Variants in ATG5 observed in about 807,000 individuals in gnomAD.
ATG5 encodes autophagy related 5.
A neutral mutation model predicts 36.5 loss-of-function variants in ATG5; 14 were observed. The observed-to-expected ratio is 0.38, with a 90% confidence interval of 0.25 to 0.60. ATG5 has a LOEUF of 0.60. ATG5 is among the 20% of genes least tolerant of loss of function. The probability of loss-of-function intolerance (pLI) is 0.60; values close to 1 mark genes in which losing one functional copy is unlikely to be tolerated. For synonymous variants in ATG5, 95 were observed against 101.5 expected, an observed-to-expected ratio of 0.94 and a Z score of 0.38; for missense variants, 195 against 326.7, an observed-to-expected ratio of 0.60 and a Z score of 3.11.
At chr6:106,238,044 AC>A (rs1319639574) in intron 6 of ATG5, among the ~76,000 whole-genome samples, 1 of 152,220 alleles carries the variant, frequency 6.6e-6, no homozygotes, top group Non-Finnish European at 1.5e-5. Context: ...TCTTTAACAT[AC>A]CAGTATTTAT....
rs1170759901 is a variant in ATG5, at chr6:106,185,184, C to T, written c.*1356G>A. On this transcript the variant is annotated 3_prime_UTR_variant, in exon 8 of 8. Coordinates refer to ENST00000369076, the MANE Select transcript of ATG5 (RefSeq NM_004849.4). The stretch of plus-strand genomic sequence containing the variant: ...AAATGTGCTATTAATCAGTGAAAAT[C>T]GCAAAAGGAAAAAGAAAAGGAAGCA... 1 of 152,522 alleles carries T rather than the reference C, an allele frequency of 6.6e-6. No homozygotes were observed. The highest frequency in any genetic ancestry group is 1.9e-4 in the East Asian group (1 of 5,332). 9.4% of individuals were successfully genotyped at this position (152,522 alleles called of 1,614,324 possible). A position where few individuals can be genotyped will look rare whatever the true frequency, so the allele number is the denominator to read the frequency against.
intron 6 of ATG5, among the ~76,000 whole-genome samples, chr6:106,230,611 C>T (rs1199817395): frequency 6.6e-6 from 1 of 152,146 alleles, no homozygotes; most frequent in African/African-American, 2.4e-5. Flanking sequence ...GACTAATGCT[C>T]ATCGGAAAAT....
intron 2 of ATG5, among the ~76,000 whole-genome samples, chr6:106,311,605 A>T (rs1161314980): frequency 6.6e-6 from 1 of 152,182 alleles, no homozygotes; most frequent in Non-Finnish European, 1.5e-5. Context: ...GAAGGTACAG[A>T]GTTAAGACAG....
At chr6:106,306,635 T>TC (rs1344694245) in intron 3 of ATG5, among the ~76,000 whole-genome samples, 19 of 152,322 alleles carry the variant, frequency 1.2e-4, no homozygotes, top group African/African-American at 4.6e-4. Flanking sequence ...GCCCCGCTAG[T>TC]CACACAAAAT....
rs184161041 is a variant in ATG5 at position 106,297,637 on chromosome 6, C to A, written c.237-4531G>T. ...AAAATGTAAATTTGCTGTACTTAAA[C>A]CTGTATTAAAATTTCTAATAAAGTT... On this transcript the variant is annotated intron_variant, in intron 3 of 7. Transcript: ENST00000369076. 1.7e-3 allele frequency among the ~76,000 whole-genome samples: 261 copies of A among 151,030 alleles called. 2 individuals are homozygous for A. The highest frequency in any genetic ancestry group is 2.1e-3 in the Non-Finnish European group (145 of 67,804).
chr6:106,260,977 C>T (rs1374840940), intron 5 of ATG5, among the ~76,000 whole-genome samples: 2 of 152,150 alleles, frequency 1.3e-5, no homozygotes, highest in Admixed American at 1.3e-4. Flanking sequence ...CATGTGACAC[C>T]TGGAAATGCG....
At chr6:106,278,142 T>C (rs1779734916) in intron 5 of ATG5, among the ~76,000 whole-genome samples, 1 of 152,130 alleles carries the variant, frequency 6.6e-6, no homozygotes, top group African/African-American at 2.4e-5. Context: ...GGTCTTGCTA[T>C]GTTGCCCAGG....
intron 3 of ATG5, among the ~76,000 whole-genome samples, chr6:106,306,865 T>C (rs1009295627): frequency 1.3e-5 from 2 of 152,088 alleles, no homozygotes; most frequent in Non-Finnish European, 2.9e-5. Flanking sequence ...TAAAAAGAAA[T>C]GGGAAGCATT....
chr6:106,262,670 T>C (rs762371414), intron 5 of ATG5, among the ~76,000 whole-genome samples: 3 of 151,762 alleles, frequency 2.0e-5, no homozygotes, highest in Admixed American at 2.0e-4. Context: ...GGTCATCTTG[T>C]TGGGACCGGT....
rs553597419 is a variant in ATG5, at chr6:106,308,049, T to C, written c.236+315A>G. ...TGGTGTCAGAAATAAAATTGAATAA[T>C]GTCAAGAGATGACTTTTCATAAGGG... On this transcript the variant is annotated intron_variant, in intron 3 of 7. Transcript: ENST00000369076. Among the ~76,000 whole-genome samples the C allele has an allele frequency of 9.9e-5, 15 of 151,232 alleles. No homozygotes were observed. In the East Asian group the frequency reaches 2.9e-3, roughly 29 times the overall value.
chr6:106,247,764 T>C (rs1432972915), intron 6 of ATG5, among the ~76,000 whole-genome samples: 1 of 152,168 alleles, frequency 6.6e-6, no homozygotes, highest in Non-Finnish European at 1.5e-5. Flanking sequence ...ACAAGAAGGC[T>C]TGTTTATAGT....
At chr6:106,218,233 TG>T (rs1417686074) in intron 6 of ATG5, among the ~76,000 whole-genome samples, 1 of 152,174 alleles carries the variant, frequency 6.6e-6, no homozygotes, top group African/African-American at 2.4e-5. Context: ...ATGATAAACA[TG>T]GCCTCATGAA....
chr6:106,212,576 T>C (rs1233680327), intron 6 of ATG5, among the ~76,000 whole-genome samples: 1 of 152,042 alleles, frequency 6.6e-6, no homozygotes, highest in East Asian at 1.9e-4. Context: ...GAGGCGGAGG[T>C]TGCAGTGAGC....
intron 3 of ATG5, among the ~76,000 whole-genome samples, chr6:106,298,656 C>T (rs914636650): frequency 2.6e-5 from 4 of 151,916 alleles, no homozygotes; most frequent in Admixed American, 1.3e-4. Flanking sequence ...ACCAGAAAAA[C>T]GAAGGAGTAA....
chr6:106,236,950 A>T (rs1161035976), intron 6 of ATG5, among the ~76,000 whole-genome samples: 1 of 152,174 alleles, frequency 6.6e-6, no homozygotes, highest in East Asian at 1.9e-4. Context: ...ATGCATGTAC[A>T]TCTATACACA....
chr6:106,279,176 C>T (rs1298050955), intron 5 of ATG5, among the ~76,000 whole-genome samples: 1 of 152,220 alleles, frequency 6.6e-6, no homozygotes, highest in Non-Finnish European at 1.5e-5. Context: ...ATGAGCACCA[C>T]ATTCCACTTA....
At chr6:106,321,693 G>A (rs2114691221) in intron 1 of ATG5, among the ~76,000 whole-genome samples, 1 of 152,232 alleles carries the variant, frequency 6.6e-6, no homozygotes, top group Non-Finnish European at 1.5e-5. Flanking sequence ...CTTAATATCA[G>A]CTCCTTGGGA....
At chr6:106,285,697 C>T (rs780037681) in intron 4 of ATG5, among the ~76,000 whole-genome samples, 4 of 152,202 alleles carry the variant, frequency 2.6e-5, no homozygotes, top group Non-Finnish European at 5.9e-5. Context: ...GCAAAGCAGT[C>T]ATAGACAATA....
intron 5 of ATG5, among the ~76,000 whole-genome samples, chr6:106,261,967 T>C (rs1157278090): frequency 6.6e-6 from 1 of 152,148 alleles, no homozygotes; most frequent in African/African-American, 2.4e-5. Context: ...AAGTCAACAG[T>C]GCAGAGGTTG....
Sources: gnomAD v4.1 joint callset for allele counts (sites outside exome capture counted in the v4.1 genomes callset) on GRCh38, gnomAD v4.1.1 for gene constraint, MANE v1.5 for transcripts, NCBI Gene and HGNC (gene_info 2026-07-23, HGNC 2026-07-21) for gene names.